Variants in RNF121 observed in about 807,000 individuals in gnomAD.
RNF121 encodes the protein ring finger protein 121, also known as E3 ubiquitin ligase RNF121.
In RNF121, 21 loss-of-function variants were observed where a neutral mutation model predicts 46.5. That is an observed-to-expected ratio of 0.45 (90% CI 0.32 to 0.65). RNF121 has a LOEUF of 0.65. RNF121 is among the 30% of genes least tolerant of loss of function. RNF121 has a pLI of 0.04. For synonymous variants in RNF121, 139 were observed against 144.7 expected, an observed-to-expected ratio of 0.96 and a Z score of 0.28; for missense variants, 346 against 416.0, an observed-to-expected ratio of 0.83 and a Z score of 1.46.
chr11:71,935,846 C>CTTTTT (rs994241423), intron 1 of RNF121, among the ~76,000 whole-genome samples: 150 of 114,698 alleles, frequency 1.3e-3, no homozygotes, highest in Non-Finnish European at 1.7e-3. Context: ...TATTCTTTTT[C>CTTTTT]TTTTTTTTTT....
In RNF121 at chr11:71,959,882, G is replaced by A. The variant is rs559632265; in HGVS notation, c.102-868G>A. On this transcript the variant is annotated intron_variant, in intron 2 of 8. Transcript: ENST00000361756. ...AACTCCTGACCTCACGTGATCCTCC[G>A]GCCTCAGCCTCTCAAAGTGCTGGGA... Among the ~76,000 whole-genome samples the A allele has an allele frequency of 6.6e-5, 10 of 152,082 alleles. No individual in the cohort carries two copies. In the Middle Eastern group the frequency reaches 0.01, roughly 155 times the overall value.
intron 3 of RNF121, among the ~76,000 whole-genome samples, chr11:71,972,888 A>G (rs185568725): frequency 1.3e-5 from 2 of 152,200 alleles, no homozygotes; most frequent in Admixed American, 6.5e-5. Flanking sequence ...TCACATTAAG[A>G]GAAACATAGG....
At chr11:71,956,317 G>A (rs1953990683) in intron 1 of RNF121, among the ~76,000 whole-genome samples, 1 of 152,100 alleles carries the variant, frequency 6.6e-6, no homozygotes, top group African/African-American at 2.4e-5. Context: ...ACTGAGACTT[G>A]GGTATGCTTC....
intron 5 of RNF121, among the ~76,000 whole-genome samples, chr11:71,987,777 A>G (rs1590813313): frequency 6.6e-6 from 1 of 152,374 alleles, no homozygotes; most frequent in East Asian, 1.9e-4. Flanking sequence ...AGCTAGCAAC[A>G]AATTGACTTA....
intron 1 of RNF121, among the ~76,000 whole-genome samples, chr11:71,944,124 G>T (rs1038346020): frequency 2.0e-5 from 3 of 152,156 alleles, no homozygotes; most frequent in Admixed American, 2.0e-4. Flanking sequence ...TTGAGGTCAG[G>T]AGTTCGAGAC....
intron 6 of RNF121, among the ~76,000 whole-genome samples, chr11:71,993,324 T>G (rs990192616): frequency 2.6e-5 from 4 of 152,230 alleles, no homozygotes; most frequent in Non-Finnish European, 5.9e-5. Context: ...ATTCCAAAAT[T>G]TTTCTTCATC....
rs1018853716 is a variant in RNF121 at position 71,996,918 on chromosome 11, C to T, written c.*603C>T. ...CTGGTTGAGGCAAGTGGAACCTTAT[C>T]AGTGACTTGGCCAACAAGGGAAGCC... is the stretch of plus-strand genomic sequence containing the variant. On this transcript the variant is annotated 3_prime_UTR_variant, in exon 9 of 9. Transcript: ENST00000361756. The T allele has an allele frequency of 2.0e-5, 3 of 152,442 alleles. No homozygotes were observed. Among genetic ancestry groups the T allele is most frequent in the African/African-American group, 7.2e-5 (3 of 41,464 alleles). 9.4% of individuals were successfully genotyped at this position (152,442 alleles called of 1,614,324 possible).
At chr11:71,991,089 A>G (rs1443342998) in intron 6 of RNF121, among the ~76,000 whole-genome samples, 1 of 152,202 alleles carries the variant, frequency 6.6e-6, no homozygotes, top group African/African-American at 2.4e-5. Flanking sequence ...GAGTGGGGAC[A>G]ACGGTTGAAA....
chr11:71,948,347 C>T (rs923376510), intron 1 of RNF121, among the ~76,000 whole-genome samples: 12 of 151,854 alleles, frequency 7.9e-5, no homozygotes, highest in African/African-American at 2.9e-4. Flanking sequence ...GAAACCCCAT[C>T]TTTACTAAAC....
At chr11:71,977,130 T>A (rs939963433) in intron 3 of RNF121, among the ~76,000 whole-genome samples, 4 of 152,206 alleles carry the variant, frequency 2.6e-5, no homozygotes, top group African/African-American at 9.7e-5. Flanking sequence ...TAGCTGTGGA[T>A]CTCTACCTTT....
chr11:71,929,143 C>T lies in RNF121; in HGVS notation c.63+19C>T. ...GGATGAGGTAAGCGGAGTTGAGAGA[C>T]GAGGAGAGACTCAACCTGAGACTGA... On this transcript the variant is annotated intron_variant, in intron 1 of 8. Coordinates refer to ENST00000361756, the MANE Select transcript of RNF121 (RefSeq NM_018320.5). 1 of 1,548,296 alleles carries T rather than the reference C, an allele frequency of 6.5e-7. No homozygotes were observed. Among genetic ancestry groups the T allele is most frequent in the Non-Finnish European group, 8.7e-7 (1 of 1,145,446 alleles).
intron 1 of RNF121, among the ~76,000 whole-genome samples, chr11:71,955,163 T>C (rs575777836): frequency 2.0e-5 from 3 of 152,272 alleles, no homozygotes; most frequent in African/African-American, 7.2e-5. Context: ...GCAGGGTAGG[T>C]ACCTGAGAGT....
At chr11:71,968,098 G>A (rs1364854499) in intron 3 of RNF121, among the ~76,000 whole-genome samples, 2 of 150,072 alleles carry the variant, frequency 1.3e-5, no homozygotes, top group African/African-American at 4.9e-5. Flanking sequence ...GTCCTGCTCT[G>A]TCGCCCAGTT....
At chr11:71,930,230 G>A (rs1404248323) in intron 1 of RNF121, among the ~76,000 whole-genome samples, 1 of 152,190 alleles carries the variant, frequency 6.6e-6, no homozygotes, top group South Asian at 2.1e-4. Context: ...CACAGGAATA[G>A]GAGGAAGGGG....
chr11:71,982,729 C>T (rs1378625949), intron 3 of RNF121, 32 bp from the exon 4 acceptor site: 5 of 1,581,658 alleles, frequency 3.2e-6, no homozygotes, highest in East Asian at 2.3e-5. Context: ...AGGGAGCTGG[C>T]CAGAGCTGAA....
intron 3 of RNF121, among the ~76,000 whole-genome samples, chr11:71,976,497 A>G (rs1954530273): frequency 1.3e-5 from 2 of 151,742 alleles, no homozygotes; most frequent in Non-Finnish European, 2.9e-5. Flanking sequence ...CTGGGACTGC[A>G]GGTGTGCGCC....
intron 6 of RNF121, among the ~76,000 whole-genome samples, chr11:71,993,691 A>C (rs1325904791): frequency 6.6e-6 from 1 of 152,030 alleles, no homozygotes; most frequent in Non-Finnish European, 1.5e-5. Flanking sequence ...CTAGTTTCAT[A>C]TCTTTTGGGT....
Position 71,963,830 on chromosome 11 carries a change from G to T in RNF121, c.243+2939G>T, listed in dbSNP as rs73529869. On this transcript the variant is annotated intron_variant, in intron 3 of 8. Coordinates refer to ENST00000361756, the MANE Select transcript of RNF121 (RefSeq NM_018320.5). The stretch of plus-strand genomic sequence containing the variant: ...TCAGAAATCAATTGATCAAAGATAT[G>T]TTGGCTTATTTTTGTACTCTCAGTT... 8.6e-3 allele frequency among the ~76,000 whole-genome samples: 1,302 copies of T among 152,260 alleles called. 11 individuals carry two copies. Among genetic ancestry groups the T allele is most frequent in the African/African-American group, 0.03 (1,248 of 41,562 alleles).
At chr11:71,948,915 CAGTT>C (rs1953795485) in intron 1 of RNF121, among the ~76,000 whole-genome samples, 1 of 135,540 alleles carries the variant, frequency 7.4e-6, no homozygotes, top group Non-Finnish European at 1.6e-5. Flanking sequence ...CAGATAGAGA[CAGTT>C]AGCCTGGTTG....
Sources: gnomAD v4.1 joint callset for allele counts (sites outside exome capture counted in the v4.1 genomes callset) on GRCh38, gnomAD v4.1.1 for gene constraint, MANE v1.5 for transcripts, NCBI Gene and HGNC (gene_info 2026-07-23, HGNC 2026-07-21) for gene names.